The following TMEM132A variants were observed in gnomAD, a reference collection of about 807,000 sequenced individuals.
TMEM132A encodes transmembrane protein 132A.
TMEM132A carries 48 observed loss-of-function variants against 69.9 expected under a neutral mutation model. That is an observed-to-expected ratio of 0.69 (90% CI 0.55 to 0.87). The LOEUF (loss-of-function observed/expected upper bound fraction) is 0.87, where lower values mean the gene tolerates loss of function less well. Ranked by LOEUF, TMEM132A falls within the 40% of genes least tolerant of loss-of-function variation. The probability of loss-of-function intolerance (pLI) is 0.00; values close to 1 mark genes in which losing one functional copy is unlikely to be tolerated. For missense variants in TMEM132A, 1,287 were observed against 1,407.2 expected (o/e 0.91, Z 1.37); for synonymous variants, 577 against 613.7 (o/e 0.94, Z 0.88).
At position 60,936,068 on chromosome 11, in the gene TMEM132A, C is replaced by A; in HGVS notation, c.2233C>A (p.Pro745Thr). The A allele has an allele frequency of 6.2e-7, 1 of 1,607,038 alleles. No individual in the cohort carries two copies. Among genetic ancestry groups the A allele is most frequent in the South Asian group, 1.1e-5 (1 of 90,650 alleles). Residue 745 changes from proline to threonine, a missense_variant, in exon 11 of 11, where the codon CCC becomes ACC. Transcript: ENST00000453848. ...GLPLHVALHP[P>T]EPCRRGRHRV... The stretch of plus-strand genomic sequence containing the variant: ...GCCGCTGCATGTGGCTCTGCACCCG[C>A]CCGAGCCCTGCCGCCGGGGCCGCCA...
chr11:60,927,459 C>T (rs1856371482), intron 2 of TMEM132A, 41 bp downstream of exon 2: 2 of 1,565,382 alleles, frequency 1.3e-6, no homozygotes, highest in Non-Finnish European at 1.7e-6. Context: ...TAACAGGACT[C>T]AGGGCCTGAG....
At chr11:60,933,956 T>G (rs1360991772) in intron 8 of TMEM132A, 1 of 583,488 alleles carries the variant, frequency 1.7e-6, no homozygotes, top group Non-Finnish European at 3.0e-6. Context: ...CTTCCCTGCC[T>G]CACTTCTCCC....
chr11:60,933,137 C>T (rs78105763), intron 7 of TMEM132A: 4,204 of 166,620 alleles, frequency 0.025, 182 homozygotes, highest in African/African-American at 0.09. Flanking sequence ...GCCCGTCCTA[C>T]GGCCTGAGGT....
At position 60,937,134 on chromosome 11, in the gene TMEM132A, C is replaced by A; in HGVS notation, c.*227C>A. Reference sequence around the variant, plus strand: ...ATTTATGGGAACCATTTCATTCTAACAGAATAAACCGAGAAGGAAACCAGA... The same window carrying A: ...ATTTATGGGAACCATTTCATTCTAAAAGAATAAACCGAGAAGGAAACCAGA... On this transcript the variant is annotated 3_prime_UTR_variant, in exon 11 of 11. Coordinates refer to ENST00000453848, the MANE Select transcript of TMEM132A (RefSeq NM_178031.3). 1 of 1,526,040 alleles carries A rather than the reference C, an allele frequency of 6.6e-7. No individual in the cohort carries two copies. The allele number at this position is 1,526,040 out of a possible 1,614,324, so 94.5% of individuals were successfully genotyped here.
At chr11:60,929,087 TAAAC>T in intron 4 of TMEM132A, 127 bp downstream of exon 4, 1 of 315,094 alleles carries the variant, frequency 3.2e-6, no homozygotes, top group Non-Finnish European at 4.8e-6. Flanking sequence ...TCCACCAAAC[TAAAC>T]TCCTTCCAGG....
rs144893604 is a variant in TMEM132A, at chr11:60,928,769, C to T, written c.675C>T (p.Asn225=). 3.1e-5 allele frequency: 50 copies of T among 1,608,908 alleles called. No individual in the cohort carries two copies. The Admixed American group carries it at 3.7e-4, about 12-fold the overall frequency. Residue 225 remains asparagine (N), a synonymous_variant, in exon 4 of 11, where the codon AAC becomes AAT. Coordinates refer to ENST00000453848, the MANE Select transcript of TMEM132A (RefSeq NM_178031.3). ...GPGGCGSGEE[N]DPGEQALPVG... is the part of the protein sequence containing the mutation. ...GGGGCTGTGGCTCCGGCGAGGAGAA[C>T]GACCCTGGGGAGCAGGCCCTCCCAG... is the stretch of plus-strand genomic sequence containing the variant.
At position 60,930,600 on chromosome 11, in the gene TMEM132A, C is replaced by T. The variant is rs1856456886; in HGVS notation, c.957C>T (p.Ser319=). ...CCAAGCTGGACCGCTTCAAGGGCTCCAGGCACCACACCACCCTCATCACCT... is the reference window on the plus strand; with the variant it reads ...CCAAGCTGGACCGCTTCAAGGGCTCTAGGCACCACACCACCCTCATCACCT... ...WTAKLDRFKG[S]RHHTTLITCH... is the part of the protein sequence containing the mutation. Residue 319 remains serine, a synonymous_variant, in exon 5 of 11, where the codon TCC becomes TCT. Transcript: ENST00000453848. 1 of 1,613,626 alleles carries T rather than the reference C, an allele frequency of 6.2e-7. No individual in the cohort carries two copies. Among genetic ancestry groups the T allele is most frequent in the South Asian group, 1.1e-5 (1 of 91,052 alleles).
chr11:60,934,733 T>C lies in TMEM132A; in HGVS notation c.1805T>C (p.Val602Ala), dbSNP rs747927683. Residue 602 changes from valine (V) to alanine (A), a missense_variant, in exon 9 of 11, where the codon GTG becomes GCG. Transcript: ENST00000453848. ...VASLEGGRVV[V>A]GREPGVTSIE... ...TCTCTGGAGGGTGGCCGTGTCGTGGTGGGCCGGGAGCCCGGTGTCACCTCC... is the reference window on the plus strand; with the variant it reads ...TCTCTGGAGGGTGGCCGTGTCGTGGCGGGCCGGGAGCCCGGTGTCACCTCC... The C allele has an allele frequency of 3.7e-6, 6 of 1,604,650 alleles. No individual in the cohort carries two copies. Among genetic ancestry groups the C allele is most frequent in the Middle Eastern group, 1.7e-4 (1 of 5,996 alleles).
chr11:60,930,618 C>T lies in TMEM132A; in HGVS notation c.975C>T (p.Leu325=). The T allele has an allele frequency of 1.2e-6, 2 of 1,613,350 alleles. No homozygotes were observed. Among genetic ancestry groups the T allele is most frequent in the Non-Finnish European group, 1.7e-6 (2 of 1,179,736 alleles). ...RFKGSRHHTT[L]ITCHRAGLTE... is the part of the protein sequence containing the mutation. Reference sequence around the variant, plus strand: ...AGGGCTCCAGGCACCACACCACCCTCATCACCTGCCACCGTGCTGGGCTCA... The same window carrying T: ...AGGGCTCCAGGCACCACACCACCCTTATCACCTGCCACCGTGCTGGGCTCA... Residue 325 remains leucine, a synonymous_variant, in exon 5 of 11, where the codon CTC becomes CTT. Coordinates refer to ENST00000453848, the MANE Select transcript of TMEM132A (RefSeq NM_178031.3).
intron 3 of TMEM132A, 45 bp from the exon 4 acceptor site, chr11:60,928,584 C>T: frequency 6.4e-7 from 1 of 1,563,152 alleles, no homozygotes. Context: ...TGTTCCTCGC[C>T]CTGCACCCAC....
Position 60,924,501 on chromosome 11 carries a change from G to GGGCGGC in TMEM132A, c.-114_-109dup, listed in dbSNP as rs540977711. On this transcript the variant is annotated 5_prime_UTR_variant, in exon 1 of 11. Coordinates refer to ENST00000453848, the MANE Select transcript of TMEM132A (RefSeq NM_178031.3). ...TGTCTGGGAATTGCAGCCGCGGGGC[G>GGGCGGC]GGCGGCGGCGGCGGCGGCGGCGGCC... 49 of 485,096 alleles carry GGGCGGC rather than the reference G, an allele frequency of 1.0e-4. 1 individual carries two copies. Among genetic ancestry groups the GGGCGGC allele is most frequent in the South Asian group, 4.3e-4 (7 of 16,274 alleles). 30.0% of individuals were successfully genotyped at this position (485,096 alleles called of 1,614,324 possible).
chr11:60,933,882 A>G lies in TMEM132A; in HGVS notation c.1559+138A>G, dbSNP rs912980496. ...CTTGCAGTTCCTTCTGCCCACCTCC[A>G]CCCTGGGCCGCCCAGCCAATGATCG... On this transcript the variant is annotated intron_variant, in intron 8 of 10. Transcript: ENST00000453848. 1.5e-5 allele frequency: 11 copies of G among 754,286 alleles called. No homozygotes were observed. The African/African-American group carries it at 1.8e-4, about 12-fold the overall frequency. The allele number at this position is 754,286 out of a possible 1,614,324, so 46.7% of individuals were successfully genotyped here. A position where few individuals can be genotyped will look rare whatever the true frequency, so the allele number is the denominator to read the frequency against.
At position 60,931,846 on chromosome 11, in the gene TMEM132A, T is replaced by C; in HGVS notation, c.1174T>C (p.Ser392Pro). The C allele has an allele frequency of 1.2e-6, 2 of 1,614,202 alleles. No homozygotes were observed. The highest frequency in any genetic ancestry group is 1.7e-6 in the Non-Finnish European group (2 of 1,180,030). ...CAAAATGGTGTGGGAAATCCTGGTGTCTGAGCGGGACATCAGAGCCCTTAT... is the reference window on the plus strand; with the variant it reads ...CAAAATGGTGTGGGAAATCCTGGTGCCTGAGCGGGACATCAGAGCCCTTAT... Reference protein sequence around the residue: ...KDKMVWEILVSERDIRALIPL... With the variant: ...KDKMVWEILVPERDIRALIPL... Residue 392 changes from serine to proline, a missense_variant, in exon 6 of 11, where the codon TCT (serine) becomes CCT (proline). Coordinates refer to ENST00000453848, the MANE Select transcript of TMEM132A (RefSeq NM_178031.3).
Position 60,931,811 on chromosome 11 carries a change from C to T in TMEM132A, c.1139C>T (p.Ala380Val). 6.2e-7 allele frequency: 1 copy of T among 1,614,212 alleles called. No homozygotes were observed. Reference protein sequence around the residue: ...QLEYPGQAPEAEKDKMVWEIL... With the variant: ...QLEYPGQAPEVEKDKMVWEIL... The stretch of plus-strand genomic sequence containing the variant: ...GAGTACCCAGGCCAGGCCCCTGAAG[C>T]AGAGAAGGACAAAATGGTGTGGGAA... Residue 380 changes from alanine (A) to valine (V), a missense_variant, in exon 6 of 11, where the codon GCA (alanine) becomes GTA (valine). Coordinates refer to ENST00000453848, the MANE Select transcript of TMEM132A (RefSeq NM_178031.3).
In TMEM132A at chr11:60,936,098, G is replaced by T; in HGVS notation, c.2263G>T (p.Val755Leu). ...GCCCTGCCGCCGGGGCCGCCACCGT[G>T]TGCCTCTGGCCTCTGGCACCGCCTG... is the stretch of plus-strand genomic sequence containing the variant. ...PEPCRRGRHR[V>L]PLASGTAWLG... Residue 755 changes from valine (V) to leucine (L), a missense_variant, in exon 11 of 11, where the codon GTG becomes TTG. By Grantham distance (32) the Val-to-Leu change is conservative. Coordinates refer to ENST00000453848, the MANE Select transcript of TMEM132A (RefSeq NM_178031.3). 1 of 1,611,708 alleles carries T rather than the reference G, an allele frequency of 6.2e-7. No homozygotes were observed. The highest frequency in any genetic ancestry group is 1.7e-4 in the Middle Eastern group (1 of 5,790).
Position 60,931,839 on chromosome 11 carries a change from C to T in TMEM132A, c.1167C>T (p.Ile389=). The T allele has an allele frequency of 6.2e-7, 1 of 1,614,234 alleles. No homozygotes were observed. Among genetic ancestry groups the T allele is most frequent in the Non-Finnish European group, 8.5e-7 (1 of 1,180,038 alleles). ...AGAAGGACAAAATGGTGTGGGAAAT[C>T]CTGGTGTCTGAGCGGGACATCAGAG... The part of the protein sequence containing the change: ...EAEKDKMVWE[I]LVSERDIRAL... Residue 389 remains isoleucine, a synonymous_variant, in exon 6 of 11, where the codon ATC becomes ATT. Transcript: ENST00000453848.
rs1233846634 is a variant in TMEM132A at position 60,934,499 on chromosome 11, C to G, written c.1571C>G (p.Pro524Arg). Residue 524 changes from proline (P) to arginine (R), a missense_variant, in exon 9 of 11, where the codon CCC becomes CGC. Pro to Arg is a moderately radical substitution (Grantham distance 103). Coordinates refer to ENST00000453848, the MANE Select transcript of TMEM132A (RefSeq NM_178031.3). ...TCCCCGCCCTGCAGGCCTGCGGAAC[C>G]CGCTGCAGAGGCGTCGGATGAGGCC... ...VPGPAEGPAE[P>R]AAEASDEAER... The G allele has an allele frequency of 1.4e-5, 19 of 1,398,962 alleles. No individual in the cohort carries two copies. The highest frequency in any genetic ancestry group is 2.6e-4 in the Middle Eastern group (1 of 3,860). 86.7% of individuals were successfully genotyped at this position (1,398,962 alleles called of 1,614,324 possible).
At chr11:60,932,322 G>GC in intron 7 of TMEM132A, 195 bp downstream of exon 7, 1 of 601,070 alleles carries the variant, frequency 1.7e-6, no homozygotes, top group Admixed American at 3.7e-5. Flanking sequence ...AACCCTAACA[G>GC]CCCCCCGACC....
chr11:60,929,546 G>A (rs1025282086), intron 4 of TMEM132A, among the ~76,000 whole-genome samples: 5 of 152,136 alleles, frequency 3.3e-5, no homozygotes, highest in Admixed American at 6.5e-5. Context: ...GGAGTCCAGC[G>A]CAGGAATCCA....
Sources: allele counts gnomAD v4.1 joint callset (sites outside exome capture counted in the v4.1 genomes callset), GRCh38; gene constraint gnomAD v4.1.1; transcripts MANE v1.5; gene names NCBI Gene and HGNC (gene_info 2026-07-23, HGNC 2026-07-21).